The following SAMMSON variants were observed in gnomAD, a reference collection of about 807,000 sequenced individuals.
SAMMSON encodes the protein long intergenic non-protein coding RNA 1212.
chr3:70,374,989 A>C (rs1703000839), intron 9 of SAMMSON, among the ~76,000 whole-genome samples: 1 of 152,078 alleles, frequency 6.6e-6, no homozygotes, highest in South Asian at 2.1e-4. Flanking sequence ...GATACATATG[A>C]GGCTAAAAGG....
intron 4 of SAMMSON, among the ~76,000 whole-genome samples, chr3:70,203,650 C>T (rs532323751): frequency 2.4e-4 from 37 of 152,180 alleles, no homozygotes; most frequent in Non-Finnish European, 4.9e-4. Context: ...ATGAAATTTA[C>T]AGTGTAGAAA....
intron 7 of SAMMSON, among the ~76,000 whole-genome samples, chr3:70,333,845 G>A (rs1203377890): frequency 6.6e-6 from 1 of 152,180 alleles, no homozygotes; most frequent in Non-Finnish European, 1.5e-5. Flanking sequence ...TGAAGCATGT[G>A]AAGAAACTGC....
At chr3:70,193,587 T>TGTGTGC (rs1387991500) in intron 4 of SAMMSON, among the ~76,000 whole-genome samples, 2 of 152,200 alleles carry the variant, frequency 1.3e-5, no homozygotes, top group East Asian at 3.8e-4. Flanking sequence ...TCTACACAGC[T>TGTGTGC]CACCTGACGA....
At chr3:70,303,985 A>T (rs1023645374) in intron 7 of SAMMSON, among the ~76,000 whole-genome samples, 1 of 152,160 alleles carries the variant, frequency 6.6e-6, no homozygotes, top group Non-Finnish European at 1.5e-5. Flanking sequence ...GCCCAGCCTG[A>T]TAGTTCTTTA....
At chr3:70,170,965 G>A (rs966684439) in intron 4 of SAMMSON, among the ~76,000 whole-genome samples, 1 of 151,796 alleles carries the variant, frequency 6.6e-6, no homozygotes, top group Non-Finnish European at 1.5e-5. Context: ...ATAACTGCGT[G>A]ATTAGACCTT....
At chr3:70,222,190 T>A (rs1298656582) in intron 4 of SAMMSON, among the ~76,000 whole-genome samples, 2 of 152,286 alleles carry the variant, frequency 1.3e-5, no homozygotes. Context: ...TCTGAAAATC[T>A]AAGGCAGGTG....
chr3:70,044,066 A>C (rs2107587267), intron 3 of SAMMSON, among the ~76,000 whole-genome samples: 1 of 152,208 alleles, frequency 6.6e-6, no homozygotes, highest in African/African-American at 2.4e-5. Context: ...TGCTGGGTTA[A>C]AATAAAGTAG....
At chr3:70,017,057 C>G (rs564219585) in intron 3 of SAMMSON, among the ~76,000 whole-genome samples, 22 of 152,230 alleles carry the variant, frequency 1.4e-4, no homozygotes, top group Admixed American at 1.3e-3. Context: ...TTAGGATTGA[C>G]TTGGCGATGT....
At chr3:70,407,361 C>G (rs949757499) in intron 2 of SAMMSON, among the ~76,000 whole-genome samples, 1 of 152,176 alleles carries the variant, frequency 6.6e-6, no homozygotes, top group Non-Finnish European at 1.5e-5. Flanking sequence ...AGTCCAAAGT[C>G]TCATCTGAGA....
At chr3:70,191,797 G>T (rs1052779817) in intron 4 of SAMMSON, among the ~76,000 whole-genome samples, 1 of 150,312 alleles carries the variant, frequency 6.7e-6, no homozygotes, top group African/African-American at 2.4e-5. Flanking sequence ...GTTTTGGAAT[G>T]AACAGATTTG....
chr3:70,157,088 G>A (rs1211350786), intron 4 of SAMMSON, among the ~76,000 whole-genome samples: 3 of 152,080 alleles, frequency 2.0e-5, no homozygotes, highest in African/African-American at 7.2e-5. Flanking sequence ...TTTGTCAGCA[G>A]CTAAAGAAGG....
chr3:70,398,724 A>G (rs1575641231), intron 2 of SAMMSON, among the ~76,000 whole-genome samples: 1 of 152,174 alleles, frequency 6.6e-6, no homozygotes, highest in African/African-American at 2.4e-5. Context: ...CACTTCATCA[A>G]CCAGATAGGG....
chr3:70,050,551 A>T (rs1212104195), intron 3 of SAMMSON, among the ~76,000 whole-genome samples: 1 of 152,130 alleles, frequency 6.6e-6, no homozygotes, highest in Non-Finnish European at 1.5e-5. Flanking sequence ...AATTAATTAC[A>T]TATGTTAATT....
intron 2 of SAMMSON, among the ~76,000 whole-genome samples, chr3:70,428,898 G>A (rs185794171): frequency 5.6e-4 from 85 of 152,276 alleles, no homozygotes; most frequent in Admixed American, 5.6e-3. Context: ...AAAGACTGGA[G>A]CTACAGTGAT....
intron 7 of SAMMSON, among the ~76,000 whole-genome samples, chr3:70,340,525 G>A (rs1182501023): frequency 1.3e-5 from 2 of 152,032 alleles, no homozygotes; most frequent in African/African-American, 4.8e-5. Flanking sequence ...TACCTAAATT[G>A]TTGGGACAAA....
intron 4 of SAMMSON, among the ~76,000 whole-genome samples, chr3:70,239,996 A>G (rs1293952200): frequency 6.6e-6 from 1 of 152,140 alleles, no homozygotes; most frequent in Non-Finnish European, 1.5e-5. Flanking sequence ...AATACCTAAT[A>G]TTCTAATTTT....
intron 7 of SAMMSON, among the ~76,000 whole-genome samples, chr3:70,352,605 C>T (rs944527266): frequency 5.9e-5 from 9 of 151,972 alleles, no homozygotes; most frequent in African/African-American, 2.2e-4. Flanking sequence ...ATGGGTAAAT[C>T]CAATAGATTT....
chr3:70,305,691 GT>G (rs1238581948), intron 7 of SAMMSON, among the ~76,000 whole-genome samples: 3 of 152,146 alleles, frequency 2.0e-5, no homozygotes, highest in African/African-American at 7.2e-5. Flanking sequence ...TTCTATTAAT[GT>G]TCATGATCCA....
intron 4 of SAMMSON, among the ~76,000 whole-genome samples, chr3:70,074,259 T>C (rs1181556039): frequency 6.6e-6 from 1 of 152,110 alleles, no homozygotes; most frequent in Non-Finnish European, 1.5e-5. Flanking sequence ...GATAAGATAC[T>C]AGAGCCATAT....
Sources: gnomAD v4.1 joint callset for allele counts (sites outside exome capture counted in the v4.1 genomes callset) on GRCh38, gnomAD v4.1.1 for gene constraint, MANE v1.5 for transcripts, NCBI Gene and HGNC (gene_info 2026-07-23, HGNC 2026-07-21) for gene names.